COL25A1: variants seen among roughly 807,000 people sequenced by gnomAD.
The protein encoded by COL25A1 is collagen alpha-1(XXV) chain.
COL25A1 carries 103 observed loss-of-function variants against 128.4 expected under a neutral mutation model. The ratio of observed to expected loss-of-function variants is 0.80; its 90% CI spans 0.68 to 0.94. The LOEUF (loss-of-function observed/expected upper bound fraction) is 0.94. Among genes scored for constraint, COL25A1 ranks in the 40% least tolerant of loss-of-function variants. The probability of loss-of-function intolerance (pLI) is 0.00; values close to 1 mark genes in which losing one functional copy is unlikely to be tolerated. For synonymous variants in COL25A1, 279 were observed against 277.2 expected, an observed-to-expected ratio of 1.01 and a Z score of -0.06; for missense variants, 745 against 840.0, an observed-to-expected ratio of 0.89 and a Z score of 1.40.
At chr4:109,154,756 A>G (rs1380265776) in intron 3 of COL25A1, among the ~76,000 whole-genome samples, 3 of 152,260 alleles carry the variant, frequency 2.0e-5, no homozygotes, top group Non-Finnish European at 4.4e-5. Context: ...AGGAATTAAA[A>G]TCCCATGCAT....
At chr4:109,018,293 C>T (rs112690607) in intron 5 of COL25A1, among the ~76,000 whole-genome samples, 4,167 of 152,142 alleles carry the variant, frequency 0.027, 199 homozygotes, top group African/African-American at 0.094. Flanking sequence ...GGTGCAATCT[C>T]AGCTCACTGC....
intron 19 of COL25A1, among the ~76,000 whole-genome samples, chr4:108,871,322 A>G (rs1738675328): frequency 6.6e-6 from 1 of 152,038 alleles, no homozygotes; most frequent in African/African-American, 2.4e-5. Context: ...GGCTAATTTT[A>G]TTTATTTATT....
At chr4:109,264,550 T>C (rs909013995) in intron 3 of COL25A1, among the ~76,000 whole-genome samples, 1 of 151,864 alleles carries the variant, frequency 6.6e-6, no homozygotes, top group African/African-American at 2.4e-5. Flanking sequence ...GAATGAAAAA[T>C]TATGGGTGGT....
At chr4:109,210,885 C>T (rs1777440186) in intron 3 of COL25A1, among the ~76,000 whole-genome samples, 2 of 152,042 alleles carry the variant, frequency 1.3e-5, no homozygotes. Flanking sequence ...ACGGATGGTG[C>T]TGGAGGCCAT....
intron 3 of COL25A1, among the ~76,000 whole-genome samples, chr4:109,090,981 G>A (rs1764840860): frequency 6.6e-6 from 1 of 152,134 alleles, no homozygotes; most frequent in Non-Finnish European, 1.5e-5. Context: ...TACAGGAATA[G>A]ACATTAAATG....
intron 13 of COL25A1, among the ~76,000 whole-genome samples, 192 bp from the exon 14 acceptor site, chr4:108,901,364 A>C (rs1462599660): frequency 6.6e-6 from 1 of 152,110 alleles, no homozygotes; most frequent in Non-Finnish European, 1.5e-5. Flanking sequence ...AATGGGGTTA[A>C]TTTCCTTTGT....
chr4:109,149,639 A>C (rs1306792542), intron 3 of COL25A1, among the ~76,000 whole-genome samples: 1 of 152,260 alleles, frequency 6.6e-6, no homozygotes, highest in Non-Finnish European at 1.5e-5. Flanking sequence ...AAAACACAAC[A>C]AATCAGACAT....
intron 8 of COL25A1, among the ~76,000 whole-genome samples, chr4:108,947,513 C>T (rs887024988): frequency 6.6e-6 from 1 of 151,718 alleles, no homozygotes; most frequent in Non-Finnish European, 1.5e-5. Flanking sequence ...ATAGAGATAT[C>T]TGAAGTCACC....
At chr4:109,070,065 G>A (rs528560062) in intron 3 of COL25A1, among the ~76,000 whole-genome samples, 1 of 150,950 alleles carries the variant, frequency 6.6e-6, no homozygotes, top group African/African-American at 2.4e-5. Context: ...AACCAGCCTG[G>A]CCAACAAGGT....
intron 32 of COL25A1, among the ~76,000 whole-genome samples, chr4:108,830,183 T>A (rs1732912679): frequency 6.6e-6 from 1 of 152,222 alleles, no homozygotes; most frequent in Non-Finnish European, 1.5e-5. Flanking sequence ...TTTTCCTGGA[T>A]TAAGCAATTC....
At chr4:108,956,616 G>C (rs1394160097) in intron 8 of COL25A1, among the ~76,000 whole-genome samples, 3 of 152,176 alleles carry the variant, frequency 2.0e-5, no homozygotes, top group Non-Finnish European at 4.4e-5. Context: ...ATGTTGGCCA[G>C]ACTGGTCTCG....
chr4:109,198,154 C>A lies in COL25A1; in HGVS notation c.367+102429G>T, dbSNP rs544693703. 4.6e-5 allele frequency among the ~76,000 whole-genome samples: 7 copies of A among 152,178 alleles called. No homozygotes were observed. In the East Asian group the frequency reaches 5.8e-4, roughly 13 times the overall value. ...CTCAAAGATGAGCGTGTGGCTCTGG[C>A]CAATGATTCCTTCTTTCGTGGACTT... On this transcript the variant is annotated intron_variant, in intron 3 of 37. Transcript: ENST00000399132.
At chr4:109,252,201 C>T (rs904673935) in intron 3 of COL25A1, among the ~76,000 whole-genome samples, 1 of 152,236 alleles carries the variant, frequency 6.6e-6, no homozygotes, top group African/African-American at 2.4e-5. Context: ...GAACAAAATG[C>T]TGCCCCTTCT....
chr4:109,276,340 A>C lies in COL25A1; in HGVS notation c.367+24243T>G, dbSNP rs574143290. 1.4e-3 allele frequency among the ~76,000 whole-genome samples: 210 copies of C among 149,972 alleles called. 2 individuals carry two copies. Among genetic ancestry groups the C allele is most frequent in the Non-Finnish European group, 2.3e-3 (154 of 67,686 alleles). On this transcript the variant is annotated intron_variant, in intron 3 of 37. Transcript: ENST00000399132. ...GGCAGGAGAATCACTTGAACCCAGGAGGCGGAGGTTGCAGTGAGCCGAGAT... is the reference window on the plus strand; with the variant it reads ...GGCAGGAGAATCACTTGAACCCAGGCGGCGGAGGTTGCAGTGAGCCGAGAT...
At chr4:109,006,333 T>C (rs1755972395) in intron 6 of COL25A1, among the ~76,000 whole-genome samples, 1 of 143,998 alleles carries the variant, frequency 6.9e-6, no homozygotes, top group African/African-American at 2.5e-5. Flanking sequence ...TGCCTCAGCC[T>C]CCCTAGTAGC....
At chr4:108,873,872 AAAG>A (rs1392392198) in intron 19 of COL25A1, among the ~76,000 whole-genome samples, 2 of 152,164 alleles carry the variant, frequency 1.3e-5, no homozygotes, top group African/African-American at 4.8e-5. Context: ...TCAAAGACGG[AAAG>A]AAGAAAATGT....
chr4:108,913,261 CTTT>C (rs201929872), intron 13 of COL25A1, among the ~76,000 whole-genome samples: 1,340 of 92,412 alleles, frequency 0.015, 31 homozygotes, highest in Non-Finnish European at 0.021. Flanking sequence ...TCTCTAGCTC[CTTT>C]TTTTTTTTTT....
At chr4:109,275,971 T>C (rs1722796937) in intron 3 of COL25A1, among the ~76,000 whole-genome samples, 1 of 152,202 alleles carries the variant, frequency 6.6e-6, no homozygotes, top group Non-Finnish European at 1.5e-5. Context: ...ACCTACCCAT[T>C]ATTCAGTGTT....
chr4:108,871,463 C>G (rs1738700890), intron 19 of COL25A1, among the ~76,000 whole-genome samples: 2 of 152,066 alleles, frequency 1.3e-5, no homozygotes, highest in Admixed American at 1.3e-4. Context: ...CTACAGGCGC[C>G]CGCCACTACG....
Sources: allele counts gnomAD v4.1 joint callset (sites outside exome capture counted in the v4.1 genomes callset), GRCh38; gene constraint gnomAD v4.1.1; transcripts MANE v1.5; gene names NCBI Gene and HGNC (gene_info 2026-07-23, HGNC 2026-07-21).